Variants in CTNNA2 observed in about 807,000 individuals in gnomAD.
CTNNA2 encodes the protein catenin alpha-2.
In CTNNA2, 42 loss-of-function variants were observed where a neutral mutation model predicts 101.0. That is an observed-to-expected ratio of 0.42 (90% CI 0.32 to 0.54). The LOEUF (loss-of-function observed/expected upper bound fraction) is 0.54. Ranked by LOEUF, CTNNA2 falls within the 20% of genes least tolerant of loss-of-function variation. The pLI, the probability that CTNNA2 is intolerant of heterozygous loss-of-function variation, is 0.14. For missense variants in CTNNA2, 871 were observed against 1,223.1 expected (o/e 0.71, Z 4.29); for synonymous variants, 450 against 456.4 (o/e 0.99, Z 0.18).
chr2:79,853,339 C>T (rs1680877968), intron 3 of CTNNA2, among the ~76,000 whole-genome samples: 1 of 152,068 alleles, frequency 6.6e-6, no homozygotes, highest in South Asian at 2.1e-4. Context: ...GATAGGGTCT[C>T]ACTAGGTTGA....
chr2:79,244,338 G>C (rs1674671926), intron 2 of CTNNA2, among the ~76,000 whole-genome samples: 1 of 152,154 alleles, frequency 6.6e-6, no homozygotes, highest in African/African-American at 2.4e-5. Context: ...ACAAATGTTT[G>C]GTGCAGCATT....
chr2:79,873,366 C>T (rs1407712839), intron 5 of CTNNA2, among the ~76,000 whole-genome samples: 2 of 151,920 alleles, frequency 1.3e-5, no homozygotes, highest in East Asian at 3.9e-4. Flanking sequence ...GACTAAAGAG[C>T]CACTGAATAA....
intron 2 of CTNNA2, chr2:79,281,465 G>C (rs1017447962): frequency 2.6e-5 from 4 of 152,112 alleles, no homozygotes; most frequent in South Asian, 2.1e-4. Flanking sequence ...CTTATCCAGA[G>C]TTGCTTGTGA....
chr2:79,544,490 G>A (rs1240612818), intron 1 of CTNNA2, among the ~76,000 whole-genome samples: 2 of 152,184 alleles, frequency 1.3e-5, no homozygotes, highest in African/African-American at 2.4e-5. Flanking sequence ...CCAGTTCCTA[G>A]TCTAGGTGCC....
intron 4 of CTNNA2, among the ~76,000 whole-genome samples, chr2:79,409,891 C>T (rs1678388305): frequency 1.3e-5 from 2 of 151,956 alleles, no homozygotes; most frequent in African/African-American, 4.8e-5. Flanking sequence ...TTACCTTGGG[C>T]AGTATGGCCA....
chr2:80,224,500 A>G (rs1222551927), intron 7 of CTNNA2, among the ~76,000 whole-genome samples: 1 of 152,100 alleles, frequency 6.6e-6, no homozygotes, highest in African/African-American at 2.4e-5. Context: ...GCTGGAGTAC[A>G]GTGGTGTGAT....
intron 7 of CTNNA2, among the ~76,000 whole-genome samples, chr2:80,057,150 C>T (rs556184790): frequency 2.0e-5 from 3 of 150,588 alleles, no homozygotes; most frequent in African/African-American, 7.4e-5. Flanking sequence ...AAAAGTAAAT[C>T]CATGGGATAA....
chr2:79,390,621 G>C (rs926377280), intron 4 of CTNNA2, among the ~76,000 whole-genome samples: 3 of 152,124 alleles, frequency 2.0e-5, no homozygotes, highest in African/African-American at 7.2e-5. Context: ...TGGCGTCAGA[G>C]TAAGTTCCCA....
At chr2:79,795,965 T>A (rs1002251783) in intron 3 of CTNNA2, among the ~76,000 whole-genome samples, 1 of 152,196 alleles carries the variant, frequency 6.6e-6, no homozygotes, top group Admixed American at 6.5e-5. Flanking sequence ...CATTGGTCAG[T>A]ATGTCTGGAA....
chr2:79,327,102 T>A (rs1277543928), intron 3 of CTNNA2, among the ~76,000 whole-genome samples: 1 of 152,228 alleles, frequency 6.6e-6, no homozygotes, highest in Non-Finnish European at 1.5e-5. Flanking sequence ...ATGATTCTTA[T>A]ACTTGGGTCA....
chr2:80,565,645 A>ACAGC (rs1338015230), intron 12 of CTNNA2, among the ~76,000 whole-genome samples: 1 of 151,960 alleles, frequency 6.6e-6, no homozygotes, highest in Non-Finnish European at 1.5e-5. Context: ...TGGTGTGAAG[A>ACAGC]CAGCCCCAAG....
At chr2:80,424,640 G>T (rs929122749) in intron 9 of CTNNA2, among the ~76,000 whole-genome samples, 2 of 152,182 alleles carry the variant, frequency 1.3e-5, no homozygotes, top group Non-Finnish European at 2.9e-5. Context: ...CACTTCTAAA[G>T]TTTAGCTTAC....
chr2:79,592,874 C>T (rs368303352), intron 1 of CTNNA2, among the ~76,000 whole-genome samples: 1 of 152,088 alleles, frequency 6.6e-6, no homozygotes, highest in African/African-American at 2.4e-5. Flanking sequence ...AGAACTGACA[C>T]CTCAGTGATT....
intron 9 of CTNNA2, among the ~76,000 whole-genome samples, chr2:80,503,108 G>A (rs1273128272): frequency 6.6e-6 from 1 of 152,092 alleles, no homozygotes; most frequent in East Asian, 1.9e-4. Context: ...GGGAGGTGGA[G>A]GCTGCACTCA....
intron 2 of CTNNA2, among the ~76,000 whole-genome samples, chr2:79,731,768 G>T (rs1687210414): frequency 6.6e-6 from 1 of 151,922 alleles, no homozygotes. Context: ...AAAGCATTTG[G>T]CAATAGCCCT....
intron 17 of CTNNA2, among the ~76,000 whole-genome samples, chr2:80,611,392 T>A (rs1698458746): frequency 6.6e-6 from 1 of 151,514 alleles, no homozygotes; most frequent in Admixed American, 6.6e-5. Context: ...AAAGATAACA[T>A]GTCTTGAATT....
intron 7 of CTNNA2, among the ~76,000 whole-genome samples, chr2:80,265,962 A>G (rs969921926): frequency 1.3e-5 from 2 of 152,138 alleles, no homozygotes; most frequent in African/African-American, 4.8e-5. Context: ...GGCCATTTGG[A>G]TGTGTTAAAC....
At chr2:80,242,222 T>C (rs1385880388) in intron 7 of CTNNA2, among the ~76,000 whole-genome samples, 3 of 152,126 alleles carry the variant, frequency 2.0e-5, no homozygotes, top group Non-Finnish European at 4.4e-5. Context: ...GAGAATTGAG[T>C]GTTTTCTCTC....
At chr2:80,157,890 A>G (rs543961134) in intron 7 of CTNNA2, among the ~76,000 whole-genome samples, 290 of 152,266 alleles carry the variant, frequency 1.9e-3, no homozygotes, top group African/African-American at 6.5e-3. Context: ...GCACTCCCCA[A>G]TCAAAGATCA....
Sources: gnomAD v4.1 joint callset for allele counts (sites outside exome capture counted in the v4.1 genomes callset) on GRCh38, gnomAD v4.1.1 for gene constraint, MANE v1.5 for transcripts, NCBI Gene and HGNC (gene_info 2026-07-23, HGNC 2026-07-21) for gene names.